The following SAMD5 variants were observed in gnomAD, a reference collection of about 807,000 sequenced individuals.
The protein encoded by SAMD5 is sterile alpha motif domain containing 5.
A neutral mutation model predicts 11.3 loss-of-function variants in SAMD5; 13 were observed. The observed-to-expected ratio is 1.15, with a 90% confidence interval of 0.75 to 1.83. SAMD5 has a LOEUF of 1.83. Ranked by LOEUF, SAMD5 falls within the 40% of genes most tolerant of loss-of-function variation. The pLI, the probability that SAMD5 is intolerant of heterozygous loss-of-function variation, is 0.00. For synonymous variants in SAMD5, 129 were observed against 111.3 expected (o/e 1.16, Z -1.00); for missense variants, 255 against 239.1 (o/e 1.07, Z -0.44).
intron 1 of SAMD5, among the ~76,000 whole-genome samples, chr6:147,562,352 G>A (rs527913843): frequency 6.6e-6 from 1 of 152,280 alleles, no homozygotes; most frequent in Non-Finnish European, 1.5e-5. Flanking sequence ...CTCCCTCTGT[G>A]GCCTTTTCTT....
At chr6:147,544,503 T>C (rs1182456768) in intron 1 of SAMD5, among the ~76,000 whole-genome samples, 1 of 152,232 alleles carries the variant, frequency 6.6e-6, no homozygotes, top group Non-Finnish European at 1.5e-5. Flanking sequence ...TTATCCTGTA[T>C]TCATTTCTTA....
intron 1 of SAMD5, among the ~76,000 whole-genome samples, chr6:147,649,583 C>A (rs1018026081): frequency 1.3e-5 from 2 of 152,050 alleles, no homozygotes; most frequent in African/African-American, 4.8e-5. Context: ...CCTGAGGTCA[C>A]GAGTTCGAGA....
the SAMD5 span, among the ~76,000 whole-genome samples, chr6:147,854,436 A>G: frequency 1.3e-5 from 2 of 152,316 alleles, no homozygotes; most frequent in East Asian, 3.9e-4. Context: ...TTAAGAGGAA[A>G]AACCTGCGAA....
At chr6:147,899,303 C>T in the SAMD5 span, among the ~76,000 whole-genome samples, 2 of 151,964 alleles carry the variant, frequency 1.3e-5, no homozygotes, top group South Asian at 4.2e-4. Flanking sequence ...TACACCTAAC[C>T]TAAATACATA....
rs138005641 is a variant in SAMD5, at chr6:147,636,154, T to A, written c.163-101163T>A. Reference sequence around the variant, plus strand: ...GAAAAACAATGTGTCTATACATTATTAGAAGACACGATAAAATCTGGTAAG... The same window carrying A: ...GAAAAACAATGTGTCTATACATTATAAGAAGACACGATAAAATCTGGTAAG... On this transcript the variant is annotated intron_variant, in intron 1 of 1. Transcript: ENST00000566741. Among the ~76,000 whole-genome samples the A allele has an allele frequency of 6.8e-4, 103 of 152,292 alleles. 1 individual carries two copies. Among genetic ancestry groups the A allele is most frequent in the African/African-American group, 2.3e-3 (94 of 41,564 alleles).
the SAMD5 span, among the ~76,000 whole-genome samples, chr6:147,943,886 C>T: frequency 3.3e-5 from 5 of 152,094 alleles, no homozygotes; most frequent in Admixed American, 6.5e-5. Flanking sequence ...CATCTCAGTG[C>T]ACATAATTCT....
intron 1 of SAMD5, among the ~76,000 whole-genome samples, chr6:147,608,480 C>T (rs1789734534): frequency 6.6e-6 from 1 of 152,124 alleles, no homozygotes; most frequent in Non-Finnish European, 1.5e-5. Flanking sequence ...AAGATCCTGT[C>T]ATTTGCAACA....
intron 1 of SAMD5, among the ~76,000 whole-genome samples, chr6:147,719,147 G>A (rs915507234): frequency 2.6e-5 from 4 of 152,202 alleles, no homozygotes; most frequent in African/African-American, 7.2e-5. Context: ...TGATGTCAAA[G>A]GGATGCTCCC....
intron 1 of SAMD5, among the ~76,000 whole-genome samples, chr6:147,580,007 T>G (rs997728407): frequency 6.6e-6 from 1 of 152,222 alleles, no homozygotes; most frequent in Non-Finnish European, 1.5e-5. Context: ...TACTACTTTC[T>G]CCTTCACGCA....
the SAMD5 span, among the ~76,000 whole-genome samples, chr6:147,905,526 G>A: frequency 2.6e-5 from 4 of 152,026 alleles, no homozygotes; most frequent in East Asian, 7.7e-4. Context: ...TAGAAAATAT[G>A]GATAGGCAAA....
chr6:147,846,321 G>A, the SAMD5 span, among the ~76,000 whole-genome samples: 3 of 152,166 alleles, frequency 2.0e-5, no homozygotes, highest in East Asian at 5.8e-4. Flanking sequence ...ACAAAGCCAT[G>A]TATTTAATTA....
At chr6:147,684,351 A>G (rs1790980343) in intron 1 of SAMD5, among the ~76,000 whole-genome samples, 1 of 151,078 alleles carries the variant, frequency 6.6e-6, no homozygotes, top group Admixed American at 6.6e-5. Context: ...TATCCATTCT[A>G]CTGTTGATAG....
chr6:147,809,950 T>C, the SAMD5 span, among the ~76,000 whole-genome samples: 1 of 152,360 alleles, frequency 6.6e-6, no homozygotes, highest in East Asian at 1.9e-4. Context: ...TTCATCTTTG[T>C]ACCTCTGGTC....
At chr6:147,852,876 T>C in the SAMD5 span, among the ~76,000 whole-genome samples, 60,832 of 152,010 alleles carry the variant, frequency 0.4, 13,398 homozygotes, top group African/African-American at 0.59. Flanking sequence ...TTACAGCCAA[T>C]TTAACTAATT....
At chr6:147,952,818 T>A in the SAMD5 span, among the ~76,000 whole-genome samples, 1 of 152,208 alleles carries the variant, frequency 6.6e-6, no homozygotes, top group South Asian at 2.1e-4. Flanking sequence ...CCGGCCCTTT[T>A]TTGATGATCT....
the SAMD5 span, among the ~76,000 whole-genome samples, chr6:147,849,183 C>A: frequency 4.0e-3 from 447 of 112,580 alleles, 3 homozygotes; most frequent in African/African-American, 0.015. Flanking sequence ...TTTTACAATT[C>A]TGGATTTTAG....
At chr6:147,812,169 G>A in the SAMD5 span, among the ~76,000 whole-genome samples, 2 of 152,298 alleles carry the variant, frequency 1.3e-5, no homozygotes, top group East Asian at 3.9e-4. Context: ...GGTTAGTCAT[G>A]GGACTTGACA....
the SAMD5 span, among the ~76,000 whole-genome samples, chr6:147,764,577 C>G: frequency 6.6e-6 from 1 of 152,236 alleles, no homozygotes; most frequent in South Asian, 2.1e-4. Flanking sequence ...TACTACAAGT[C>G]TGGAAGTTTC....
the SAMD5 span, among the ~76,000 whole-genome samples, chr6:147,831,198 C>CA: frequency 2.0e-5 from 3 of 151,768 alleles, no homozygotes; most frequent in South Asian, 4.1e-4. Flanking sequence ...AAGAATAAAA[C>CA]AAAAAAAGAT....
Sources: allele counts gnomAD v4.1 joint callset (sites outside exome capture counted in the v4.1 genomes callset), GRCh38; gene constraint gnomAD v4.1.1; transcripts MANE v1.5; gene names NCBI Gene and HGNC (gene_info 2026-07-23, HGNC 2026-07-21).